The following SLCO6A1 variants were observed in gnomAD, a reference collection of about 807,000 sequenced individuals.
The protein encoded by SLCO6A1 is cancer/testis antigen 48.
SLCO6A1 carries 65 observed loss-of-function variants against 72.7 expected under a neutral mutation model. The ratio of observed to expected loss-of-function variants is 0.89; its 90% CI spans 0.73 to 1.10. SLCO6A1 has a LOEUF of 1.10. SLCO6A1 is among the 50% of genes least tolerant of loss of function. SLCO6A1 has a pLI of 0.00. For missense variants in SLCO6A1, 874 were observed against 872.6 expected (o/e 1.00, Z -0.02); for synonymous variants, 314 against 298.2 (o/e 1.05, Z -0.55).
chr5:102,382,570 T>C (rs1006997761), intron 12 of SLCO6A1, among the ~76,000 whole-genome samples: 2 of 151,600 alleles, frequency 1.3e-5, no homozygotes, highest in Admixed American at 6.6e-5. Context: ...TAGGTCACTC[T>C]GGGTACTATG....
At chr5:102,453,895 G>A (rs1369227067) in intron 6 of SLCO6A1, among the ~76,000 whole-genome samples, 1 of 152,120 alleles carries the variant, frequency 6.6e-6, no homozygotes, top group Non-Finnish European at 1.5e-5. Context: ...CAGTTTACAA[G>A]CTACTTTGAC....
intron 1 of SLCO6A1, among the ~76,000 whole-genome samples, chr5:102,485,658 T>A (rs1752416670): frequency 6.6e-6 from 1 of 152,216 alleles, no homozygotes; most frequent in African/African-American, 2.4e-5. Flanking sequence ...GTGATTCCAC[T>A]GGGAGAGGAC....
At position 102,380,865 on chromosome 5, in the gene SLCO6A1, A is replaced by G. The variant is rs911588940; in HGVS notation, c.2018-7371T>C. Among the ~76,000 whole-genome samples, 7 of 151,994 alleles carry G rather than the reference A, an allele frequency of 4.6e-5. No individual in the cohort carries two copies. In the East Asian group the frequency reaches 9.6e-4, roughly 21 times the overall value. ...TAAGAGCTATCTTCAGCAGTTTACT[A>G]TGGTTGAAATCACCTGAGTACTTTA... On this transcript the variant is annotated intron_variant, in intron 12 of 13. Coordinates refer to ENST00000506729, the MANE Select transcript of SLCO6A1 (RefSeq NM_173488.5).
At chr5:102,412,019 C>T (rs757823311) in intron 9 of SLCO6A1, among the ~76,000 whole-genome samples, 2 of 152,044 alleles carry the variant, frequency 1.3e-5, no homozygotes, top group Non-Finnish European at 1.5e-5. Flanking sequence ...ACCTTGGTCT[C>T]CACAATCTTT....
intron 9 of SLCO6A1, among the ~76,000 whole-genome samples, chr5:102,404,418 C>T (rs1030675767): frequency 9.2e-5 from 14 of 152,148 alleles, no homozygotes; most frequent in South Asian, 6.2e-4. Context: ...TGCCGTGAAC[C>T]GGGGAGGCGG....
chr5:102,386,246 C>T (rs1746410649), intron 12 of SLCO6A1, among the ~76,000 whole-genome samples: 1 of 152,124 alleles, frequency 6.6e-6, no homozygotes, highest in Non-Finnish European at 1.5e-5. Flanking sequence ...TAGCCTGGTG[C>T]CAAGGTCCAC....
intron 4 of SLCO6A1, among the ~76,000 whole-genome samples, chr5:102,460,610 C>T (rs1270389970): frequency 6.6e-6 from 1 of 152,082 alleles, no homozygotes; most frequent in African/African-American, 2.4e-5. Context: ...ACGCCATTGT[C>T]TTCTACTTCA....
rs192776865 is a variant in SLCO6A1, at chr5:102,430,559, T to G, written c.1276+8058A>C. ...ATTTCTTCATCTATTCAGATGATCA[T>G]GTGGTTTTCACTTTAGTTCTATTTA... On this transcript the variant is annotated intron_variant, in intron 7 of 13. Coordinates refer to ENST00000506729, the MANE Select transcript of SLCO6A1 (RefSeq NM_173488.5). Among the ~76,000 whole-genome samples the G allele has an allele frequency of 6.4e-4, 98 of 152,304 alleles. 3 individuals carry two copies. Among genetic ancestry groups the G allele is most frequent in the African/African-American group, 2.2e-3 (90 of 41,572 alleles).
intron 6 of SLCO6A1, among the ~76,000 whole-genome samples, chr5:102,442,554 G>A (rs1241190851): frequency 6.6e-6 from 1 of 152,090 alleles, no homozygotes; most frequent in African/African-American, 2.4e-5. Context: ...TTTGTTGTTT[G>A]CAAACTTTAG....
chr5:102,428,480 T>A (rs770466847), intron 7 of SLCO6A1, among the ~76,000 whole-genome samples: 1 of 151,920 alleles, frequency 6.6e-6, no homozygotes. Flanking sequence ...AAGAAAAAAA[T>A]TGTATAAGCT....
intron 6 of SLCO6A1, among the ~76,000 whole-genome samples, chr5:102,450,604 C>G (rs1750363438): frequency 6.6e-6 from 1 of 152,220 alleles, no homozygotes; most frequent in Non-Finnish European, 1.5e-5. Flanking sequence ...GGCTGCGCAT[C>G]ATAGCCCTGG....
intron 7 of SLCO6A1, among the ~76,000 whole-genome samples, chr5:102,421,519 G>A (rs1748604298): frequency 6.6e-6 from 1 of 152,092 alleles, no homozygotes; most frequent in Admixed American, 6.5e-5. Context: ...GTTTGGACTG[G>A]TGGAACCCCC....
chr5:102,429,522 G>A (rs183232046), intron 7 of SLCO6A1, among the ~76,000 whole-genome samples: 64 of 152,202 alleles, frequency 4.2e-4, no homozygotes, highest in African/African-American at 1.4e-3. Flanking sequence ...TTCTGCATAC[G>A]GCTTGCCAGT....
chr5:102,374,113 C>G (rs1745646366), intron 12 of SLCO6A1, among the ~76,000 whole-genome samples: 1 of 151,626 alleles, frequency 6.6e-6, no homozygotes. Flanking sequence ...TCTTGGCTTA[C>G]TGCAGCCTTG....
intron 6 of SLCO6A1, among the ~76,000 whole-genome samples, chr5:102,455,027 T>TACACATAA (rs144619414): frequency 7.1e-6 from 1 of 141,830 alleles, no homozygotes; most frequent in Non-Finnish European, 1.5e-5. Context: ...TATATATATA[T>TACACATAA]AAATTATGTT....
chr5:102,389,542 A>G (rs1264583892), intron 11 of SLCO6A1, among the ~76,000 whole-genome samples: 1 of 148,244 alleles, frequency 6.7e-6, no homozygotes, highest in African/African-American at 2.5e-5. Context: ...TCTTGACCAA[A>G]TATCAGGACC....
intron 7 of SLCO6A1, among the ~76,000 whole-genome samples, chr5:102,423,247 T>C (rs115221498): frequency 0.023 from 3,534 of 152,260 alleles, 96 homozygotes; most frequent in African/African-American, 0.068. Context: ...ATCTTCATGA[T>C]GACAGGATCA....
At chr5:102,385,384 A>G (rs964762241) in intron 12 of SLCO6A1, among the ~76,000 whole-genome samples, 2 of 152,164 alleles carry the variant, frequency 1.3e-5, no homozygotes, top group Non-Finnish European at 2.9e-5. Context: ...ATTTCTTTAA[A>G]TAAGCTTTCT....
chr5:102,454,820 G>A (rs1750615011), intron 6 of SLCO6A1, among the ~76,000 whole-genome samples: 2 of 151,286 alleles, frequency 1.3e-5, no homozygotes, highest in African/African-American at 4.8e-5. Context: ...TAAAATATAT[G>A]TACATGTAAT....
Sources: gnomAD v4.1 joint callset for allele counts (sites outside exome capture counted in the v4.1 genomes callset) on GRCh38, gnomAD v4.1.1 for gene constraint, MANE v1.5 for transcripts, NCBI Gene and HGNC (gene_info 2026-07-23, HGNC 2026-07-21) for gene names.